Variants in ACSL4 observed in about 807,000 individuals in gnomAD.
The protein encoded by ACSL4 is long-chain-fatty-acid--CoA ligase 4.
Under a neutral mutation model 49.1 loss-of-function variants are expected in ACSL4, and 9 were observed. That is an observed-to-expected ratio of 0.18 (90% CI 0.11 to 0.32). The LOEUF is 0.32. Among genes scored for constraint, ACSL4 ranks in the 10% least tolerant of loss-of-function variants. The pLI is 1.00. For missense variants in ACSL4, 333 were observed against 493.7 expected (o/e 0.67, Z 3.08); for synonymous variants, 191 against 170.3 (o/e 1.12, Z -0.95).
chrX:109,656,022 C>G (rs1459085481), intron 15 of ACSL4, among the ~76,000 whole-genome samples: 2 of 110,828 alleles, frequency 1.8e-5, no homozygotes, highest in Non-Finnish European at 3.8e-5. Context: ...TCTACCCAAA[C>G]CGGCGAGTAA....
rs946924760 is a variant in ACSL4 at position 109,647,553 on chromosome X, T to G, written c.1856-3367A>C. 8.1e-5 allele frequency among the ~76,000 whole-genome samples: 9 copies of G among 111,487 alleles called. No individual in the cohort carries two copies. In the Admixed American group the frequency reaches 8.6e-4, roughly 11 times the overall value. ...GTAGATGGAAATTTATAGCACTAAA[T>G]GCCCACAAGAGAAAGCAGGAAAGAT... On this transcript the variant is annotated intron_variant, in intron 15 of 15. Transcript: ENST00000672401.
At chrX:109,655,751 C>T (rs1232873762) in intron 15 of ACSL4, among the ~76,000 whole-genome samples, 1 of 111,165 alleles carries the variant, frequency 9.0e-6, no homozygotes, top group African/African-American at 3.3e-5. Flanking sequence ...CAGAAATTAA[C>T]ATAATGACTC....
intron 8 of ACSL4, among the ~76,000 whole-genome samples, chrX:109,675,030 C>T (rs1387546358): frequency 2.7e-5 from 3 of 112,137 alleles, no homozygotes; most frequent in Non-Finnish European, 3.8e-5. Context: ...ATGGTTCTCC[C>T]GATAGAACTA....
chrX:109,674,524 G>C (rs754636860), intron 8 of ACSL4, 51 bp from the exon 9 acceptor site: 1 of 916,535 alleles, frequency 1.1e-6, no homozygotes, highest in East Asian at 3.1e-5. Context: ...CTTAAAACAT[G>C]TTGTAATTCA....
intron 2 of ACSL4, chrX:109,692,020 C>G (rs1031383034): frequency 9.0e-6 from 1 of 111,726 alleles, no homozygotes; most frequent in Admixed American, 9.6e-5. Flanking sequence ...TAAACTGAAC[C>G]TGTTTACTTC....
intron 15 of ACSL4, among the ~76,000 whole-genome samples, chrX:109,647,203 A>C (rs947009244): frequency 2.7e-4 from 30 of 111,680 alleles, no homozygotes; most frequent in African/African-American, 9.8e-4. Flanking sequence ...TCTCCACTCC[A>C]AATCAACAGA....
chrX:109,646,987 T>C (rs759856072), intron 15 of ACSL4, among the ~76,000 whole-genome samples: 10 of 111,831 alleles, frequency 8.9e-5, no homozygotes, highest in African/African-American at 2.9e-4. Context: ...CCTAAATATA[T>C]ATGCACCTAA....
At chrX:109,732,447 A>T (rs979201251) in intron 1 of ACSL4, among the ~76,000 whole-genome samples, 3 of 111,335 alleles carry the variant, frequency 2.7e-5, no homozygotes, top group African/African-American at 9.8e-5. Context: ...AGGCACTCAA[A>T]CGAGAGGAAG....
chrX:109,683,133 T>C lies in ACSL4; in HGVS notation c.228+3A>G, dbSNP rs1348677023. 2.5e-6 allele frequency: 3 copies of C among 1,204,800 alleles called. No individual in the cohort carries two copies. The highest frequency in any genetic ancestry group is 3.4e-6 in the Non-Finnish European group (3 of 890,069). ...ATAAATGAAAAGCACCAAAATACTT[T>C]ACCTTCTTAAAAACTTTTCCATTTG... On this transcript the variant is annotated splice_donor_region_variant and intron_variant, in intron 3 of 15. Coordinates refer to ENST00000672401, the MANE Select transcript of ACSL4 (RefSeq NM_001318510.2).
At chrX:109,653,905 T>A (rs1921398391) in intron 15 of ACSL4, among the ~76,000 whole-genome samples, 1 of 108,907 alleles carries the variant, frequency 9.2e-6, no homozygotes, top group African/African-American at 3.4e-5. Context: ...TGTATACATA[T>A]GTAACTAACC....
intron 15 of ACSL4, among the ~76,000 whole-genome samples, chrX:109,649,204 G>A (rs1278206301): frequency 1.8e-5 from 2 of 111,534 alleles, no homozygotes; most frequent in Non-Finnish European, 3.8e-5. Flanking sequence ...CCAAAAAAGA[G>A]CCAGCATCGC....
chrX:109,660,860 G>A (rs1273104701), intron 14 of ACSL4, among the ~76,000 whole-genome samples: 2 of 111,258 alleles, frequency 1.8e-5, no homozygotes, highest in Non-Finnish European at 3.8e-5. Context: ...AATTCTACTT[G>A]TGTGAGATTT....
intron 11 of ACSL4, among the ~76,000 whole-genome samples, chrX:109,666,232 T>TA (rs1425096506): frequency 1.8e-5 from 2 of 112,114 alleles, no homozygotes; most frequent in Non-Finnish European, 3.8e-5. Flanking sequence ...CTTAGAGACT[T>TA]AAACAATGAA....
At chrX:109,707,768 T>C (rs1035736534) in intron 1 of ACSL4, among the ~76,000 whole-genome samples, 1 of 112,074 alleles carries the variant, frequency 8.9e-6, no homozygotes, top group Non-Finnish European at 1.9e-5. Flanking sequence ...ATCCATGTGA[T>C]CAAATACTAT....
intron 1 of ACSL4, among the ~76,000 whole-genome samples, chrX:109,709,438 ACTT>A (rs1258315562): frequency 1.8e-5 from 2 of 112,698 alleles, no homozygotes; most frequent in African/African-American, 6.4e-5. Context: ...GTACTAGCTG[ACTT>A]CAAAAAGTAG....
chrX:109,724,999 TG>T (rs766134300), intron 1 of ACSL4, among the ~76,000 whole-genome samples: 1 of 110,070 alleles, frequency 9.1e-6, no homozygotes, highest in South Asian at 3.9e-4. Flanking sequence ...TCAAGAGATC[TG>T]CCTGCCTTGG....
intron 1 of ACSL4, among the ~76,000 whole-genome samples, chrX:109,718,298 C>A (rs938442067): frequency 8.9e-6 from 1 of 112,352 alleles, no homozygotes; most frequent in African/African-American, 3.2e-5. Context: ...AAATGTGTTA[C>A]TTACATCTCA....
chrX:109,648,682 A>T (rs1278683314), intron 15 of ACSL4, among the ~76,000 whole-genome samples: 1 of 109,841 alleles, frequency 9.1e-6, no homozygotes, highest in Admixed American at 9.8e-5. Context: ...CAGGGCGATC[A>T]GGCAGGAGAA....
intron 11 of ACSL4, among the ~76,000 whole-genome samples, chrX:109,667,684 G>A (rs1440636041): frequency 9.0e-6 from 1 of 111,581 alleles, no homozygotes; most frequent in East Asian, 2.8e-4. Flanking sequence ...ATCACCTGAG[G>A]TCAGGAGTTC....
Sources: gnomAD v4.1 joint callset for allele counts (sites outside exome capture counted in the v4.1 genomes callset) on GRCh38, gnomAD v4.1.1 for gene constraint, MANE v1.5 for transcripts, NCBI Gene and HGNC (gene_info 2026-07-23, HGNC 2026-07-21) for gene names.